The following RBBP8 variants were observed in gnomAD, a reference collection of about 807,000 sequenced individuals.
The protein encoded by RBBP8 is DNA endonuclease RBBP8.
RBBP8 carries 88 observed loss-of-function variants against 108.3 expected under a neutral mutation model. The observed-to-expected ratio is 0.81, with a 90% CI of 0.68 to 0.97. The LOEUF is 0.97. RBBP8 is among the 50% of genes least tolerant of loss of function. The probability of loss-of-function intolerance (pLI) is 0.00; values close to 1 mark genes in which losing one functional copy is unlikely to be tolerated. For synonymous variants in RBBP8, 332 were observed against 348.2 expected (o/e 0.95, Z 0.52); for missense variants, 1,023 against 1,049.0 (o/e 0.98, Z 0.34).
intron 5 of RBBP8, among the ~76,000 whole-genome samples, chr18:22,972,570 C>T (rs1037735707): frequency 2.6e-5 from 4 of 151,830 alleles, no homozygotes. Flanking sequence ...CGTGCGACCA[C>T]GCCCGACTAA....
chr18:22,973,307 AC>A (rs1914258049), intron 5 of RBBP8, among the ~76,000 whole-genome samples: 1 of 152,072 alleles, frequency 6.6e-6, no homozygotes, highest in African/African-American at 2.4e-5. Context: ...TGTTAGTGAC[AC>A]CCTTTCTGGC....
chr18:22,921,547 G>A (rs542449876), intron 3 of RBBP8, among the ~76,000 whole-genome samples: 2 of 152,268 alleles, frequency 1.3e-5, no homozygotes, highest in Non-Finnish European at 2.9e-5. Context: ...AGACGTGTCC[G>A]ATACATCATG....
At chr18:23,004,298 CAT>C (rs1009566060) in intron 15 of RBBP8, among the ~76,000 whole-genome samples, 4 of 151,930 alleles carry the variant, frequency 2.6e-5, no homozygotes, top group South Asian at 4.2e-4. Flanking sequence ...CACACACACA[CAT>C]ATACATAGAC....
intron 4 of RBBP8, chr18:22,949,922 A>G: frequency 2.0e-6 from 1 of 506,870 alleles, no homozygotes; most frequent in Non-Finnish European, 3.5e-6. Flanking sequence ...TTTAAATGAT[A>G]TCTTTATCTG....
In RBBP8 at chr18:22,989,242, A is replaced by G. The variant is rs1200527119; in HGVS notation, c.731A>G (p.Tyr244Cys). ...TTAGAAGCACATGGAACAAGCAGCTATACCCCTGATAAGTCATCTTTTAAT... is the reference window on the plus strand; with the variant it reads ...TTAGAAGCACATGGAACAAGCAGCTGTACCCCTGATAAGTCATCTTTTAAT... Reference protein sequence around the residue: ...PMAKAHGTSSYTPDKSSFNLA... With the variant: ...PMAKAHGTSSCTPDKSSFNLA... The change falls in exon 9 of 19, where the codon TAT becomes TGT. Residue 244 changes from tyrosine (Y) to cysteine (C), a missense_variant. By Grantham distance (194) the Tyr-to-Cys change is radical. Coordinates refer to ENST00000327155, the MANE Select transcript of RBBP8 (RefSeq NM_002894.3). The G allele has an allele frequency of 1.9e-6, 3 of 1,609,656 alleles. No homozygotes were observed. The highest frequency in any genetic ancestry group is 1.1e-5 in the South Asian group (1 of 90,968).
At chr18:22,954,846 G>A (rs1376450406) in intron 4 of RBBP8, among the ~76,000 whole-genome samples, 2 of 152,106 alleles carry the variant, frequency 1.3e-5, no homozygotes, top group African/African-American at 4.8e-5. Flanking sequence ...AGGGGGAAAA[G>A]CCCCTTATGA....
chr18:22,982,346 A>G lies in RBBP8; in HGVS notation c.557A>G (p.Tyr186Cys). The change falls in exon 7 of 19, where the codon TAC becomes TGC. Residue 186 changes from tyrosine (Y) to cysteine (C), a missense_variant. By Grantham distance (194) the Tyr-to-Cys change is radical. Transcript: ENST00000327155. Reference sequence around the variant, plus strand: ...AGAAAGGAGAACCCCCATGTCCGATACATAGAACAAACACATACTAAATTG... The same window carrying G: ...AGAAAGGAGAACCCCCATGTCCGATGCATAGAACAAACACATACTAAATTG... ...LRRKENPHVR[Y>C]IEQTHTKLEH... is the part of the protein sequence containing the mutation. 6.2e-7 allele frequency: 1 copy of G among 1,614,166 alleles called. No homozygotes were observed. The highest frequency in any genetic ancestry group is 8.5e-7 in the Non-Finnish European group (1 of 1,180,004).
Position 22,993,112 on chromosome 18 carries a change from A to G in RBBP8, c.1285A>G (p.Asn429Asp). 6.2e-7 allele frequency: 1 copy of G among 1,614,098 alleles called. No individual in the cohort carries two copies. Among genetic ancestry groups the G allele is most frequent in the Non-Finnish European group, 8.5e-7 (1 of 1,179,958 alleles). ...QNRTEYGKDS[N>D]TDKHLEPLKS... ...TAGGACTGAGTACGGTAAAGATTCT[A>G]ACACTGATAAACATTTGGAGCCCCT... is the stretch of plus-strand genomic sequence containing the variant. The change falls in exon 11 of 19, where the codon AAC (asparagine) becomes GAC (aspartate). Residue 429 changes from asparagine to aspartate, a missense_variant. Physicochemically the swap from Asn to Asp is conservative, Grantham distance 23. Transcript: ENST00000327155.
upstream of RBBP8, chr18:22,933,221 G>A: frequency 6.6e-6 from 1 of 152,298 alleles, no homozygotes; most frequent in Non-Finnish European, 1.5e-5. Context: ...CCCAACCATC[G>A]CCCTCCGGGA....
intron 9 of RBBP8, among the ~76,000 whole-genome samples, chr18:22,990,426 T>A (rs1915602002): frequency 6.6e-6 from 1 of 152,246 alleles, no homozygotes; most frequent in South Asian, 2.1e-4. Context: ...CATCTTAATG[T>A]TGTTTTTTGG....
intron 18 of RBBP8, 150 bp from the exon 19 acceptor site, chr18:23,025,993 G>C: frequency 2.9e-6 from 2 of 684,908 alleles, no homozygotes; most frequent in East Asian, 2.9e-5. Flanking sequence ...ATGCTAAATA[G>C]TGAGATCAAT....
intron 4 of RBBP8, among the ~76,000 whole-genome samples, chr18:22,955,194 G>T (rs1379975388): frequency 6.6e-6 from 1 of 152,190 alleles, no homozygotes; most frequent in East Asian, 1.9e-4. Context: ...TACATCCTCA[G>T]GTACATGGGC....
chr18:23,002,464 T>C (rs141490557), intron 15 of RBBP8, among the ~76,000 whole-genome samples: 1 of 152,194 alleles, frequency 6.6e-6, no homozygotes, highest in African/African-American at 2.4e-5. Context: ...TGTTTTCTGC[T>C]GTGAATGCTT....
chr18:22,985,738 G>A (rs1336506249), intron 8 of RBBP8, among the ~76,000 whole-genome samples: 1 of 152,082 alleles, frequency 6.6e-6, no homozygotes, highest in Non-Finnish European at 1.5e-5. Context: ...CAACATTCAG[G>A]TAGAGTTTGG....
At chr18:22,930,675 G>A (rs1325141339), upstream of RBBP8, among the ~76,000 whole-genome samples, 1 of 152,190 alleles carries the variant, frequency 6.6e-6, no homozygotes, top group African/African-American at 2.4e-5. Context: ...GGATCCACCA[G>A]GGAATGCCCA....
intron 2 of RBBP8, among the ~76,000 whole-genome samples, chr18:22,946,086 C>A (rs1269257577): frequency 6.6e-6 from 1 of 152,186 alleles, no homozygotes; most frequent in Non-Finnish European, 1.5e-5. Flanking sequence ...CTAGTTTAAT[C>A]CCAGAAGATT....
chr18:22,996,830 C>G (rs572138777), intron 13 of RBBP8, among the ~76,000 whole-genome samples: 1 of 152,110 alleles, frequency 6.6e-6, no homozygotes, highest in Non-Finnish European at 1.5e-5. Context: ...GGCCCTGTCT[C>G]TATAGGAAAT....
At chr18:23,019,636 T>G (rs2046315404) in intron 17 of RBBP8, among the ~76,000 whole-genome samples, 2 of 152,206 alleles carry the variant, frequency 1.3e-5, no homozygotes, top group African/African-American at 4.8e-5. Flanking sequence ...TCACTACTTT[T>G]TTCTTTCACA....
intron 18 of RBBP8, among the ~76,000 whole-genome samples, chr18:23,022,657 AT>A (rs1480027020): frequency 0.021 from 1,457 of 70,202 alleles, 121 homozygotes; most frequent in Middle Eastern, 0.056. Context: ...ACAATATAAA[AT>A]AAAATAAAAT....
Sources: allele counts gnomAD v4.1 joint callset (sites outside exome capture counted in the v4.1 genomes callset), GRCh38; gene constraint gnomAD v4.1.1; transcripts MANE v1.5; gene names NCBI Gene and HGNC (gene_info 2026-07-23, HGNC 2026-07-21).